Variants in PRKG2 observed in about 807,000 individuals in gnomAD.
PRKG2 encodes protein kinase cGMP-dependent 2, also known as cGMP-dependent protein kinase 2.
In PRKG2, 33 loss-of-function variants were observed where a neutral mutation model predicts 97.2. That is an observed-to-expected ratio of 0.34 (90% CI 0.26 to 0.45). The LOEUF is 0.45. Ranked by LOEUF, PRKG2 falls within the 20% of genes least tolerant of loss-of-function variation. PRKG2 has a pLI of 1.00. For synonymous variants in PRKG2, 330 were observed against 321.8 expected (o/e 1.03, Z -0.27); for missense variants, 638 against 900.0 (o/e 0.71, Z 3.73).
intron 2 of PRKG2, among the ~76,000 whole-genome samples, chr4:81,196,384 G>C (rs1752962032): frequency 6.6e-6 from 1 of 152,152 alleles, no homozygotes; most frequent in African/African-American, 2.4e-5. Context: ...TGTTGTTTAA[G>C]CTACTAAGTT....
At chr4:81,151,140 A>T (rs1748359223) in intron 8 of PRKG2, among the ~76,000 whole-genome samples, 1 of 152,146 alleles carries the variant, frequency 6.6e-6, no homozygotes, top group Admixed American at 6.5e-5. Context: ...TTAAGAAGAT[A>T]AATGAACAGG....
intron 2 of PRKG2, among the ~76,000 whole-genome samples, chr4:81,179,523 A>G (rs1293725960): frequency 6.6e-6 from 1 of 152,210 alleles, no homozygotes; most frequent in Non-Finnish European, 1.5e-5. Flanking sequence ...AGCTCCAGAC[A>G]GAAGAAATAT....
rs141738022 is a variant in PRKG2, at chr4:81,137,242, A to G, written c.1634+151T>C. 2,156 of 631,134 alleles carry G rather than the reference A, an allele frequency of 3.4e-3. 31 individuals carry two copies. In the African/African-American group the frequency reaches 0.035, roughly 10 times the overall value. 39.1% of individuals were successfully genotyped at this position (631,134 alleles called of 1,614,324 possible). ...TTACGTGGTGTTACGGCACTATTGT[A>G]GCATTAGCCAAGACAATATCACTAT... On this transcript the variant is annotated intron_variant, in intron 13 of 18. Coordinates refer to ENST00000264399, the MANE Select transcript of PRKG2 (RefSeq NM_006259.3).
At position 81,153,662 on chromosome 4, in the gene PRKG2, G is replaced by A; in HGVS notation, c.972C>T (p.Phe324=). 6.3e-7 allele frequency: 1 copy of A among 1,598,638 alleles called. No homozygotes were observed. Among genetic ancestry groups the A allele is most frequent in the Non-Finnish European group, 8.6e-7 (1 of 1,166,210 alleles). ...IREGEEGSTF[F]ILAKGKVKVT... is the part of the protein sequence containing the mutation. ...TAGTTACCTTTCCTTTTGCCAAAAT[G>A]AAAAAGGTACTTCCTTCCTCGCCCT... The change falls in exon 7 of 19, where the codon TTC becomes TTT. Residue 324 remains phenylalanine, a synonymous_variant. Transcript: ENST00000264399.
chr4:81,163,648 A>T (rs1392287382), intron 6 of PRKG2, among the ~76,000 whole-genome samples: 1 of 152,124 alleles, frequency 6.6e-6, no homozygotes, highest in Non-Finnish European at 1.5e-5. Flanking sequence ...ATCTAGCAAA[A>T]TGCTAGAGCC....
chr4:81,199,074 T>A (rs1753136258), intron 2 of PRKG2, among the ~76,000 whole-genome samples: 1 of 152,170 alleles, frequency 6.6e-6, no homozygotes, highest in South Asian at 2.1e-4. Context: ...TATGAGAATA[T>A]ATACCAATTT....
intron 17 of PRKG2, among the ~76,000 whole-genome samples, chr4:81,095,328 C>T (rs1742010050): frequency 6.6e-6 from 1 of 152,180 alleles, no homozygotes; most frequent in African/African-American, 2.4e-5. Flanking sequence ...TGTAAAACCA[C>T]AGAAGTCCTC....
rs539631998 is a variant in PRKG2, at chr4:81,119,181, T to C, written c.1777-8570A>G. 5.9e-5 allele frequency among the ~76,000 whole-genome samples: 9 copies of C among 152,340 alleles called. No homozygotes were observed. In the South Asian group the frequency reaches 1.7e-3, roughly 28 times the overall value. Reference sequence around the variant, plus strand: ...CTTTGGTGTTGTATCTAAAAAGTCATTGCCATATTCATAGTCCTCTAGATT... The same window carrying C: ...CTTTGGTGTTGTATCTAAAAAGTCACTGCCATATTCATAGTCCTCTAGATT... On this transcript the variant is annotated intron_variant, in intron 14 of 18. Transcript: ENST00000264399.
intron 6 of PRKG2, among the ~76,000 whole-genome samples, chr4:81,155,332 A>G (rs1160228199): frequency 6.6e-6 from 1 of 152,030 alleles, no homozygotes; most frequent in African/African-American, 2.4e-5. Context: ...GGGTATCAGC[A>G]ATGGAAGATG....
chr4:81,180,856 T>TG (rs1262707076), intron 2 of PRKG2, among the ~76,000 whole-genome samples: 1 of 152,182 alleles, frequency 6.6e-6, no homozygotes, highest in East Asian at 1.9e-4. Flanking sequence ...TATTGTACTT[T>TG]AAGTTTTAGG....
intron 18 of PRKG2, among the ~76,000 whole-genome samples, chr4:81,091,892 T>A (rs973827053): frequency 6.6e-6 from 1 of 152,186 alleles, no homozygotes; most frequent in Non-Finnish European, 1.5e-5. Flanking sequence ...AACTGAGATG[T>A]GCTGTAACAG....
chr4:81,118,844 G>A (rs980256606), intron 14 of PRKG2, among the ~76,000 whole-genome samples: 2 of 152,102 alleles, frequency 1.3e-5, no homozygotes, highest in Admixed American at 6.5e-5. Flanking sequence ...ACCCAGGCTG[G>A]AGTGCAGTGG....
rs200260020 is a variant in PRKG2 at position 81,114,322 on chromosome 4, GA to G, written c.1777-3712del. On this transcript the variant is annotated intron_variant, in intron 14 of 18. Coordinates refer to ENST00000264399, the MANE Select transcript of PRKG2 (RefSeq NM_006259.3). ...CACAGATGTTCAACCTGTGTTTGGT[GA>G]AAAAAAAAAAAGAATTGAATGAAGA... is the stretch of plus-strand genomic sequence containing the variant. 3.8e-3 allele frequency among the ~76,000 whole-genome samples: 534 copies of G among 140,536 alleles called. 2 individuals are homozygous for G. The highest frequency in any genetic ancestry group is 0.011 in the African/African-American group (424 of 38,376). 92.2% of individuals were successfully genotyped at this position (140,536 alleles called of 152,430 possible).
At chr4:81,098,241 G>A (rs751913730) in intron 17 of PRKG2, among the ~76,000 whole-genome samples, 5 of 152,078 alleles carry the variant, frequency 3.3e-5, no homozygotes, top group South Asian at 2.1e-4. Context: ...CATCGGACTC[G>A]AAGTTCTTCA....
chr4:81,206,246 T>A (rs1753641512), intron 1 of PRKG2, among the ~76,000 whole-genome samples: 1 of 152,192 alleles, frequency 6.6e-6, no homozygotes, highest in South Asian at 2.1e-4. Context: ...CACATGCAGT[T>A]TTTGACAGCT....
chr4:81,102,611 C>T (rs1376609656), intron 17 of PRKG2, among the ~76,000 whole-genome samples: 1 of 152,182 alleles, frequency 6.6e-6, no homozygotes, highest in Non-Finnish European at 1.5e-5. Flanking sequence ...CATTTTGATT[C>T]TATAAAATCT....
chr4:81,156,091 A>G (rs1468863809), intron 6 of PRKG2, among the ~76,000 whole-genome samples: 2 of 152,208 alleles, frequency 1.3e-5, no homozygotes, highest in African/African-American at 4.8e-5. Flanking sequence ...GTTAACTTTA[A>G]ACGTAAATGG....
At chr4:81,148,084 A>G (rs1308086073) in intron 9 of PRKG2, among the ~76,000 whole-genome samples, 1 of 152,118 alleles carries the variant, frequency 6.6e-6, no homozygotes, top group Non-Finnish European at 1.5e-5. Flanking sequence ...TTCCAGCTCT[A>G]TATCTCTAGA....
intron 1 of PRKG2, among the ~76,000 whole-genome samples, chr4:81,214,115 G>A (rs892294914): frequency 1.3e-5 from 2 of 148,884 alleles, no homozygotes; most frequent in African/African-American, 2.5e-5. Flanking sequence ...ATATGGGGGT[G>A]TGGTGGGGTG....
Sources: gnomAD v4.1 joint callset for allele counts (sites outside exome capture counted in the v4.1 genomes callset) on GRCh38, gnomAD v4.1.1 for gene constraint, MANE v1.5 for transcripts, NCBI Gene and HGNC (gene_info 2026-07-23, HGNC 2026-07-21) for gene names.